DAPK2: variants seen among roughly 807,000 people sequenced by gnomAD.
DAPK2 encodes the protein death associated protein kinase 2.
Under a neutral mutation model 44.1 loss-of-function variants are expected in DAPK2, and 35 were observed. That is an observed-to-expected ratio of 0.79 (90% CI 0.61 to 1.05). The LOEUF (loss-of-function observed/expected upper bound fraction) is 1.05, where lower values mean the gene tolerates loss of function less well. Among genes scored for constraint, DAPK2 ranks in the 50% least tolerant of loss-of-function variants. The probability of loss-of-function intolerance (pLI) is 0.00; values close to 1 mark genes in which losing one functional copy is unlikely to be tolerated. For missense variants in DAPK2, 453 were observed against 483.2 expected (o/e 0.94, Z 0.59); for synonymous variants, 174 against 182.6 (o/e 0.95, Z 0.38).
At chr15:63,931,202 C>A (rs1353559057) in intron 4 of DAPK2, among the ~76,000 whole-genome samples, 1 of 152,190 alleles carries the variant, frequency 6.6e-6, no homozygotes, top group Non-Finnish European at 1.5e-5. Flanking sequence ...GGCACCTTGA[C>A]CTTGGACTTC....
At chr15:63,955,221 G>A (rs1048556530) in intron 3 of DAPK2, among the ~76,000 whole-genome samples, 35 of 152,190 alleles carry the variant, frequency 2.3e-4, no homozygotes, top group Admixed American at 1.9e-3. Flanking sequence ...CATCCTTGTT[G>A]TGTTACAGAT....
chr15:64,042,194 G>A (rs2080368286), upstream of DAPK2, among the ~76,000 whole-genome samples: 1 of 152,108 alleles, frequency 6.6e-6, no homozygotes, highest in South Asian at 2.1e-4. This position sits in a 1 kb window ranked among gnomAD's most constrained non-coding sequence, Gnocchi z 4.7. Flanking sequence ...TAAGAAAGAT[G>A]ATTATTACTG....
At chr15:63,937,329 G>A (rs2077188767) in intron 4 of DAPK2, among the ~76,000 whole-genome samples, 1 of 152,154 alleles carries the variant, frequency 6.6e-6, no homozygotes, top group South Asian at 2.1e-4. Context: ...ATTGGCCAAT[G>A]CTATAAATTA....
rs770393879 is a variant in DAPK2 at position 63,922,975 on chromosome 15, C to T, written c.858+1841G>A. 4.6e-6 allele frequency: 7 copies of T among 1,535,774 alleles called. No homozygotes were observed. In the South Asian group the frequency reaches 4.8e-5, roughly 10 times the overall value. On this transcript the variant is annotated intron_variant, in intron 8 of 10. Transcript: ENST00000261891. ...TGGCCATGCTTCCGAGGCTACATCC[C>T]GTGGCCTGGATGTCTTCTCGCAGCA...
At position 64,036,718 on chromosome 15, in the gene DAPK2, A is replaced by G. The variant is rs1167661261; in HGVS notation, c.92+3452T>C. Reference sequence around the variant, plus strand: ...CATAGTTAAGACTTAATGAAGAGCTAAAATCAATGAGAGGGCCCTGAGTCT... The same window carrying G: ...CATAGTTAAGACTTAATGAAGAGCTGAAATCAATGAGAGGGCCCTGAGTCT... On this transcript the variant is annotated intron_variant, in intron 1 of 10. Coordinates refer to ENST00000261891, the Ensembl canonical transcript of DAPK2. 2.6e-5 allele frequency among the ~76,000 whole-genome samples: 4 copies of G among 151,152 alleles called. No homozygotes were observed. The South Asian group carries it at 6.3e-4, about 24-fold the overall frequency.
At chr15:63,933,664 T>C (rs1330844585) in intron 4 of DAPK2, among the ~76,000 whole-genome samples, 1 of 150,184 alleles carries the variant, frequency 6.7e-6, no homozygotes, top group Admixed American at 6.7e-5. Context: ...AGTGGCATGA[T>C]CACAGCTCAC....
In DAPK2 at chr15:63,912,314, C is replaced by T. The variant is rs543284700; in HGVS notation, c.859-117G>A. On this transcript the variant is annotated intron_variant, in intron 8 of 10. Coordinates refer to ENST00000261891, the Ensembl canonical transcript of DAPK2. This position sits in a 1 kb window ranked among gnomAD's most constrained non-coding sequence, Gnocchi z 4.4. ...ACCGCCCTTGGCTTGACCCTGGCATCTCCCCGCCAGGTGGGGCACACCGTG... is the reference window on the plus strand; with the variant it reads ...ACCGCCCTTGGCTTGACCCTGGCATTTCCCCGCCAGGTGGGGCACACCGTG... 8 of 944,124 alleles carry T rather than the reference C, an allele frequency of 8.5e-6. No homozygotes were observed. The highest frequency in any genetic ancestry group is 1.5e-5 in the South Asian group (1 of 66,934). 58.5% of individuals were successfully genotyped at this position (944,124 alleles called of 1,614,324 possible). A position where few individuals can be genotyped will look rare whatever the true frequency, so the allele number is the denominator to read the frequency against.
intron 2 of DAPK2, among the ~76,000 whole-genome samples, chr15:63,978,865 C>T (rs2078426869): frequency 1.3e-5 from 2 of 152,188 alleles, no homozygotes; most frequent in Non-Finnish European, 2.9e-5. Context: ...CCTTTGCCTC[C>T]TTCCTCCCTG....
chr15:63,999,870 C>T (rs1377136382), intron 1 of DAPK2, among the ~76,000 whole-genome samples: 2 of 151,934 alleles, frequency 1.3e-5, no homozygotes, highest in East Asian at 3.9e-4. Context: ...GGCTGAAGCT[C>T]TCCTCCTACC....
intron 3 of DAPK2, among the ~76,000 whole-genome samples, chr15:63,960,992 G>C (rs1486017357): frequency 6.6e-6 from 1 of 152,190 alleles, no homozygotes; most frequent in East Asian, 1.9e-4. Flanking sequence ...AAGTCTCTTT[G>C]TAGGTCTCTC....
chr15:64,040,658 C>A (rs1390452144), upstream of DAPK2, among the ~76,000 whole-genome samples: 2 of 152,098 alleles, frequency 1.3e-5, no homozygotes, highest in African/African-American at 4.8e-5. Context: ...CAACTGTAAT[C>A]CCAGCACTTT....
In DAPK2 at chr15:64,045,636, A is replaced by G. The variant is rs149530783; in HGVS notation, c.-7+662T>C. ...TCTCTTTTGTAAAGTAAGAATACCA[A>G]TTTCCACCGTGCAGAGTTACGGTGA... On this transcript the variant is annotated intron_variant, in intron 1 of 11. Transcript: ENST00000457488. 2.6e-4 allele frequency among the ~76,000 whole-genome samples: 39 copies of G among 152,270 alleles called. No homozygotes were observed. The East Asian group carries it at 7.3e-3, about 29-fold the overall frequency.
At chr15:64,011,556 C>T (rs1342595266) in intron 1 of DAPK2, among the ~76,000 whole-genome samples, 1 of 152,170 alleles carries the variant, frequency 6.6e-6, no homozygotes, top group African/African-American at 2.4e-5. Flanking sequence ...AGGAGAAAAA[C>T]AACGCTACAG....
chr15:63,970,475 C>A (rs1243529514), intron 3 of DAPK2, among the ~76,000 whole-genome samples: 2 of 152,184 alleles, frequency 1.3e-5, no homozygotes, highest in African/African-American at 4.8e-5. Flanking sequence ...ATGTCCCCTC[C>A]TTTAGCCTCC....
chr15:63,961,441 T>C (rs186239226), intron 3 of DAPK2, among the ~76,000 whole-genome samples: 2 of 152,354 alleles, frequency 1.3e-5, no homozygotes, highest in African/African-American at 2.4e-5. Context: ...CTAGCACTGA[T>C]AGTCTTTACA....
At chr15:63,968,209 G>A (rs1265698032) in intron 3 of DAPK2, among the ~76,000 whole-genome samples, 2 of 152,176 alleles carry the variant, frequency 1.3e-5, no homozygotes, top group African/African-American at 2.4e-5. Flanking sequence ...ACATGTACCC[G>A]ATCCTGAGGT....
chr15:63,986,116 T>C (rs1435246445), intron 1 of DAPK2, among the ~76,000 whole-genome samples: 1 of 152,236 alleles, frequency 6.6e-6, no homozygotes, highest in African/African-American at 2.4e-5. Flanking sequence ...GGCTGCTGGC[T>C]GGTGTCCCCC....
In DAPK2 at chr15:63,908,233, C is replaced by T. The variant is rs2078698612; in HGVS notation, c.*287G>A. ...TGAGGATGTCCTTTATATTGTTTTC[C>T]TAAGTCCACACTCCCACCCCAGACT... On this transcript the variant is annotated 3_prime_UTR_variant, in exon 11 of 11. Coordinates refer to ENST00000261891, the Ensembl canonical transcript of DAPK2. The surrounding 1 kb of genome is among the most constrained non-coding windows in gnomAD (Gnocchi z 5.7). The T allele has an allele frequency of 3.6e-6, 1 of 279,288 alleles. No homozygotes were observed. The highest frequency in any genetic ancestry group is 6.6e-6 in the Non-Finnish European group (1 of 150,728). The allele number at this position is 279,288 out of a possible 1,614,324, so 17.3% of individuals were successfully genotyped here.
chr15:63,923,479 G>T lies in DAPK2; in HGVS notation c.858+1337C>A. On this transcript the variant is annotated intron_variant, in intron 8 of 10. Transcript: ENST00000261891. The surrounding 1 kb of genome is among the most constrained non-coding windows in gnomAD (Gnocchi z 4.2). The stretch of plus-strand genomic sequence containing the variant: ...GCGTCAGGCCATGGGGAGAACCAGG[G>T]TGGGATGAGCACCTCCTTAGGCCAT... 1 of 1,435,418 alleles carries T rather than the reference G, an allele frequency of 7.0e-7. No homozygotes were observed. Among genetic ancestry groups the T allele is most frequent in the Non-Finnish European group, 9.1e-7 (1 of 1,094,410 alleles). The allele number at this position is 1,435,418 out of a possible 1,614,324, so 88.9% of individuals were successfully genotyped here.
Sources: allele counts gnomAD v4.1 joint callset (sites outside exome capture counted in the v4.1 genomes callset), GRCh38; gene constraint gnomAD v4.1.1; non-coding constraint Gnocchi (gnomAD v3.1); transcripts MANE v1.5; gene names NCBI Gene and HGNC (gene_info 2026-07-23, HGNC 2026-07-21).